ROCK1: variants seen among roughly 807,000 people sequenced by gnomAD.
ROCK1 encodes Rho associated coiled-coil containing protein kinase 1.
A neutral mutation model predicts 196.8 loss-of-function variants in ROCK1; 36 were observed. The ratio of observed to expected loss-of-function variants is 0.18; its 90% CI spans 0.14 to 0.24. The LOEUF (loss-of-function observed/expected upper bound fraction) is 0.24. ROCK1 is among the 10% of genes least tolerant of loss of function. ROCK1 has a pLI of 1.00. For missense variants in ROCK1, 920 were observed against 1,562.0 expected, an observed-to-expected ratio of 0.59 and a Z score of 6.93; for synonymous variants, 443 against 515.9, an observed-to-expected ratio of 0.86 and a Z score of 1.91.
intron 14 of ROCK1, among the ~76,000 whole-genome samples, chr18:21,007,177 T>C (rs2035775710): frequency 6.6e-6 from 1 of 152,118 alleles, no homozygotes. Flanking sequence ...TAGTATAGAA[T>C]AAGTCCTCCT....
At position 21,073,512 on chromosome 18, in the gene ROCK1, C is replaced by T. The variant is rs139379721; in HGVS notation, c.94-2899G>A. Among the ~76,000 whole-genome samples, 23 of 152,238 alleles carry T rather than the reference C, an allele frequency of 1.5e-4. No individual in the cohort carries two copies. In the East Asian group the frequency reaches 4.4e-3, roughly 29 times the overall value. On this transcript the variant is annotated intron_variant, in intron 1 of 32. Transcript: ENST00000399799. Reference sequence around the variant, plus strand: ...TAACAAATATGAGTCAGGTGTAAAACATCATTTAGGATTAAATCCATTAAA... The same window carrying T: ...TAACAAATATGAGTCAGGTGTAAAATATCATTTAGGATTAAATCCATTAAA...
At chr18:21,024,816 T>C (rs755181006) in intron 10 of ROCK1, among the ~76,000 whole-genome samples, 17 of 152,172 alleles carry the variant, frequency 1.1e-4, no homozygotes, top group Non-Finnish European at 2.2e-4. Context: ...AAGACAATAA[T>C]AGGGGCTGTG....
chr18:20,969,476 C>A lies in ROCK1; in HGVS notation c.2821-268G>T, dbSNP rs7234943. ...AATGGCAAGATAACTAGATTGCAAACTAAGAAATTTGTATTTAGTTCTAGC... is the reference window on the plus strand; with the variant it reads ...AATGGCAAGATAACTAGATTGCAAAATAAGAAATTTGTATTTAGTTCTAGC... On this transcript the variant is annotated intron_variant, in intron 23 of 32. Coordinates refer to ENST00000399799, the MANE Select transcript of ROCK1 (RefSeq NM_005406.3). 0.12 allele frequency: 30,527 copies of A among 252,938 alleles called. 4,351 individuals are homozygous for A. The highest frequency in any genetic ancestry group is 0.4 in the African/African-American group (18,167 of 45,040). The allele number at this position is 252,938 out of a possible 1,614,324, so 15.7% of individuals were successfully genotyped here. A position where few individuals can be genotyped will look rare whatever the true frequency, so the allele number is the denominator to read the frequency against.
At chr18:20,988,852 A>C (rs1250913272) in intron 18 of ROCK1, among the ~76,000 whole-genome samples, 1 of 152,106 alleles carries the variant, frequency 6.6e-6, no homozygotes, top group Non-Finnish European at 1.5e-5. Flanking sequence ...ATCTGAATGT[A>C]ATCTCCGGGC....
chr18:21,037,021 T>G (rs1461052915), intron 9 of ROCK1, among the ~76,000 whole-genome samples: 1 of 152,208 alleles, frequency 6.6e-6, no homozygotes, highest in Non-Finnish European at 1.5e-5. Flanking sequence ...TACATGGTAC[T>G]TCAAAGATCA....
chr18:20,953,082 C>T (rs2035206349), intron 32 of ROCK1, among the ~76,000 whole-genome samples: 2 of 151,962 alleles, frequency 1.3e-5, no homozygotes, highest in Non-Finnish European at 2.9e-5. Context: ...TGTAACAAAC[C>T]TGCATGTTCT....
chr18:21,064,585 TA>T (rs1237404788), intron 2 of ROCK1, among the ~76,000 whole-genome samples: 2 of 152,240 alleles, frequency 1.3e-5, no homozygotes, highest in Non-Finnish European at 2.9e-5. Context: ...TCTTGAATCC[TA>T]ATTCTAACCA....
At chr18:21,008,366 T>C (rs1395232938) in intron 13 of ROCK1, among the ~76,000 whole-genome samples, 172 bp from the exon 14 acceptor site, 1 of 152,184 alleles carries the variant, frequency 6.6e-6, no homozygotes, top group African/African-American at 2.4e-5. Flanking sequence ...TCTAAGTAGC[T>C]TGCCTTTTAA....
intron 1 of ROCK1, among the ~76,000 whole-genome samples, chr18:21,077,043 G>C (rs1353068858): frequency 7.4e-5 from 11 of 148,304 alleles, no homozygotes; most frequent in Admixed American, 5.5e-4. Context: ...GCGCAATCTC[G>C]GCTCACTGCA....
In ROCK1 at chr18:20,980,915, CA is replaced by C. The variant is rs570087798; in HGVS notation, c.2560-912del. Among the ~76,000 whole-genome samples, 474 of 55,756 alleles carry C rather than the reference CA, an allele frequency of 8.5e-3. 1 individual carries two copies. The highest frequency in any genetic ancestry group is 0.017 in the East Asian group (28 of 1,678). The allele number at this position is 55,756 out of a possible 152,430, so 36.6% of individuals were successfully genotyped here. Reference sequence around the variant, plus strand: ...TGGGCGACAGAGTGAGATTCCATCTCAAAAAAAAAAAAAAAAAAGACATTAT... The same window carrying C: ...TGGGCGACAGAGTGAGATTCCATCTCAAAAAAAAAAAAAAAAAGACATTAT... On this transcript the variant is annotated intron_variant, in intron 21 of 32. Transcript: ENST00000399799.
At chr18:21,030,808 A>G (rs1030793024) in intron 9 of ROCK1, among the ~76,000 whole-genome samples, 3 of 152,222 alleles carry the variant, frequency 2.0e-5, no homozygotes, top group Non-Finnish European at 4.4e-5. Flanking sequence ...TCCATAAAAA[A>G]GAGTCCAGCA....
At chr18:20,952,382 A>G (rs890552326) in intron 32 of ROCK1, among the ~76,000 whole-genome samples, 7 of 97,364 alleles carry the variant, frequency 7.2e-5, no homozygotes, top group Non-Finnish European at 1.3e-4. Flanking sequence ...ACTCTGTCTC[A>G]AAATGAATGA....
chr18:21,057,551 G>A (rs2036254115), intron 2 of ROCK1, among the ~76,000 whole-genome samples: 1 of 152,230 alleles, frequency 6.6e-6, no homozygotes, highest in African/African-American at 2.4e-5. Context: ...GCCAGGCGCT[G>A]TGACTCACGC....
chr18:21,047,763 A>G (rs2036173321), intron 4 of ROCK1, among the ~76,000 whole-genome samples: 1 of 151,142 alleles, frequency 6.6e-6, no homozygotes, highest in Non-Finnish European at 1.5e-5. Context: ...GCACCATTGC[A>G]CTCCGGCCTG....
intron 10 of ROCK1, among the ~76,000 whole-genome samples, chr18:21,025,527 CCAGCCTGGCCAA>C (rs936098722): frequency 2.6e-5 from 4 of 152,074 alleles, no homozygotes; most frequent in Admixed American, 6.6e-5. Context: ...GGGTTTGAGA[CCAGCCTGGCCAA>C]CAGCCTGGCC....
intron 1 of ROCK1, among the ~76,000 whole-genome samples, chr18:21,084,493 C>T (rs569221365): frequency 6.6e-6 from 1 of 152,172 alleles, no homozygotes; most frequent in African/African-American, 2.4e-5. Context: ...CCAATAAGCA[C>T]ATGAAAAGAT....
intron 1 of ROCK1, among the ~76,000 whole-genome samples, chr18:21,089,134 T>TG (rs1427487963): frequency 6.6e-6 from 1 of 152,114 alleles, no homozygotes; most frequent in Admixed American, 6.5e-5. Flanking sequence ...CAACCTCCAC[T>TG]GGTTCAAGAA....
chr18:21,085,267 C>A (rs1243709622), intron 1 of ROCK1, among the ~76,000 whole-genome samples: 1 of 136,070 alleles, frequency 7.3e-6, no homozygotes, highest in Non-Finnish European at 1.5e-5. Flanking sequence ...CACCTGTAAT[C>A]CCAGCTACTC....
chr18:21,103,114 C>A (rs2036673425), intron 1 of ROCK1, among the ~76,000 whole-genome samples: 1 of 152,022 alleles, frequency 6.6e-6, no homozygotes, highest in African/African-American at 2.4e-5. Flanking sequence ...TAATCCCAAA[C>A]AGAGAGGGCA....
Sources: allele counts gnomAD v4.1 joint callset (sites outside exome capture counted in the v4.1 genomes callset), GRCh38; gene constraint gnomAD v4.1.1; transcripts MANE v1.5; gene names NCBI Gene and HGNC (gene_info 2026-07-23, HGNC 2026-07-21).